The following PELI2 variants were observed in gnomAD, a reference collection of about 807,000 sequenced individuals.
PELI2 encodes the protein E3 ubiquitin-protein ligase pellino homolog 2.
In PELI2, 23 loss-of-function variants were observed where a neutral mutation model predicts 42.3. That is an observed-to-expected ratio of 0.54 (90% CI 0.39 to 0.77). PELI2 has a LOEUF of 0.77. Among genes scored for constraint, PELI2 ranks in the 30% least tolerant of loss-of-function variants. The pLI is 0.00. For synonymous variants in PELI2, 245 were observed against 212.2 expected (o/e 1.15, Z -1.34); for missense variants, 463 against 553.2 (o/e 0.84, Z 1.64).
chr14:56,242,854 G>C (rs986504048), intron 2 of PELI2, among the ~76,000 whole-genome samples: 1 of 152,276 alleles, frequency 6.6e-6, no homozygotes, highest in Non-Finnish European at 1.5e-5. Flanking sequence ...ATTCAGGGGG[G>C]AAGAGAGAAA....
At chr14:56,277,371 G>A (rs911984653) in intron 2 of PELI2, among the ~76,000 whole-genome samples, 1 of 151,878 alleles carries the variant, frequency 6.6e-6, no homozygotes, top group Admixed American at 6.6e-5. Context: ...TAGGTTGCGT[G>A]TTCCTTATGA....
At chr14:56,135,765 A>G (rs932518420) in intron 1 of PELI2, among the ~76,000 whole-genome samples, 1 of 152,246 alleles carries the variant, frequency 6.6e-6, no homozygotes. Flanking sequence ...GCTTGCTAAG[A>G]AAACTTGAGT....
chr14:56,215,879 C>G (rs1301818689), intron 2 of PELI2, among the ~76,000 whole-genome samples: 1 of 152,162 alleles, frequency 6.6e-6, no homozygotes, highest in East Asian at 1.9e-4. Flanking sequence ...AATGACACTA[C>G]AGTGGGTTAT....
chr14:56,169,357 G>A (rs964413116), intron 1 of PELI2, among the ~76,000 whole-genome samples: 3 of 152,302 alleles, frequency 2.0e-5, no homozygotes, highest in Non-Finnish European at 2.9e-5. Context: ...TGAGGTTTGC[G>A]GGGACTCAAG....
intron 1 of PELI2, among the ~76,000 whole-genome samples, chr14:56,175,539 C>G (rs1885342686): frequency 6.6e-6 from 1 of 152,182 alleles, no homozygotes; most frequent in South Asian, 2.1e-4. Flanking sequence ...TAATTAGAAA[C>G]TTGTCTCATG....
At chr14:56,227,837 T>A (rs1486155822) in intron 2 of PELI2, among the ~76,000 whole-genome samples, 1 of 152,136 alleles carries the variant, frequency 6.6e-6, no homozygotes, top group Non-Finnish European at 1.5e-5. Flanking sequence ...GCTCAAAAAT[T>A]ACAGAGGGCT....
chr14:56,187,926 G>A (rs907696150), intron 2 of PELI2, among the ~76,000 whole-genome samples: 4 of 152,216 alleles, frequency 2.6e-5, no homozygotes, highest in South Asian at 2.1e-4. Context: ...GTGCTCCGCA[G>A]GTGGCCACGT....
chr14:56,277,958 T>C (rs1889349823), intron 2 of PELI2, among the ~76,000 whole-genome samples: 1 of 152,200 alleles, frequency 6.6e-6, no homozygotes, highest in Admixed American at 6.5e-5. Flanking sequence ...GTATAACCTT[T>C]AAAAGTATTT....
chr14:56,190,633 T>G (rs1370432178), intron 2 of PELI2, among the ~76,000 whole-genome samples: 1 of 152,234 alleles, frequency 6.6e-6, no homozygotes, highest in Non-Finnish European at 1.5e-5. Flanking sequence ...GACTTTTTGT[T>G]GCTGACTACT....
intron 2 of PELI2, among the ~76,000 whole-genome samples, chr14:56,259,629 GA>G (rs1888646449): frequency 6.6e-6 from 1 of 152,126 alleles, no homozygotes; most frequent in African/African-American, 2.4e-5. Flanking sequence ...AGGAATAGAT[GA>G]AACTTCCTTA....
chr14:56,205,074 G>T (rs1208635369), intron 2 of PELI2, among the ~76,000 whole-genome samples: 10 of 151,782 alleles, frequency 6.6e-5, no homozygotes, highest in African/African-American at 2.4e-4. Context: ...AAACCAGGTA[G>T]TGGGTAGCAG....
At chr14:56,130,990 C>T (rs1478087982) in intron 1 of PELI2, among the ~76,000 whole-genome samples, 3 of 152,250 alleles carry the variant, frequency 2.0e-5, no homozygotes, top group East Asian at 3.9e-4. Context: ...AAGTACTTTT[C>T]CTCTCTAATA....
At chr14:56,220,814 G>A (rs771204026) in intron 2 of PELI2, among the ~76,000 whole-genome samples, 7 of 152,110 alleles carry the variant, frequency 4.6e-5, no homozygotes, top group Non-Finnish European at 1.0e-4. Context: ...GAAATGCCGC[G>A]AAATGGTGCC....
chr14:56,127,612 G>A (rs750228169), intron 1 of PELI2, among the ~76,000 whole-genome samples: 4 of 152,314 alleles, frequency 2.6e-5, no homozygotes, highest in South Asian at 2.1e-4. Flanking sequence ...TTTGATAGCA[G>A]CCACTGCTGC....
chr14:56,188,455 C>T (rs557060311), intron 2 of PELI2, among the ~76,000 whole-genome samples: 45 of 152,260 alleles, frequency 3.0e-4, no homozygotes, highest in Non-Finnish European at 4.9e-4. Context: ...TTTTCCGTCT[C>T]TTATGTTACG....
chr14:56,196,796 G>A (rs1377109284), intron 2 of PELI2, among the ~76,000 whole-genome samples: 1 of 152,062 alleles, frequency 6.6e-6, no homozygotes, highest in Non-Finnish European at 1.5e-5. Flanking sequence ...TTTGACTTCT[G>A]TTTTTTAATT....
At chr14:56,125,732 C>T (rs1246481315) in intron 1 of PELI2, among the ~76,000 whole-genome samples, 3 of 152,202 alleles carry the variant, frequency 2.0e-5, no homozygotes, top group African/African-American at 7.2e-5. Context: ...GTTCTGCCCT[C>T]TGTGCTGCTT....
At chr14:56,284,172 A>G (rs1003735945) in intron 3 of PELI2, among the ~76,000 whole-genome samples, 3 of 152,270 alleles carry the variant, frequency 2.0e-5, no homozygotes, top group Admixed American at 2.0e-4. Context: ...ACTCAGAAAT[A>G]TTATTGCCTG....
At position 56,255,435 on chromosome 14, in the gene PELI2, T is replaced by C. The variant is rs1426014159; in HGVS notation, c.208-24241T>C. ...CTCACTCATAAGTGGGAGTTGAACATTGAGAATGCATGGACACAGGGAGGG... is the reference window on the plus strand; with the variant it reads ...CTCACTCATAAGTGGGAGTTGAACACTGAGAATGCATGGACACAGGGAGGG... On this transcript the variant is annotated intron_variant, in intron 2 of 5. Coordinates refer to ENST00000267460, the MANE Select transcript of PELI2 (RefSeq NM_021255.3). Among the ~76,000 whole-genome samples, 3 of 151,882 alleles carry C rather than the reference T, an allele frequency of 2.0e-5. No individual in the cohort carries two copies. The East Asian group carries it at 5.8e-4, about 29-fold the overall frequency.
Sources: gnomAD v4.1 joint callset for allele counts (sites outside exome capture counted in the v4.1 genomes callset) on GRCh38, gnomAD v4.1.1 for gene constraint, MANE v1.5 for transcripts, NCBI Gene and HGNC (gene_info 2026-07-23, HGNC 2026-07-21) for gene names.